The following TRAPPC12 variants were observed in gnomAD, a reference collection of about 807,000 sequenced individuals.
TRAPPC12 encodes trafficking protein particle complex subunit 12.
A neutral mutation model predicts 69.2 loss-of-function variants in TRAPPC12; 61 were observed. The ratio of observed to expected loss-of-function variants is 0.88; its 90% confidence interval spans 0.72 to 1.09. The LOEUF is 1.09. Ranked by LOEUF, TRAPPC12 falls within the 50% of genes least tolerant of loss-of-function variation. TRAPPC12 has a pLI of 0.00. For missense variants in TRAPPC12, 1,101 were observed against 1,016.4 expected (o/e 1.08, Z -1.13); for synonymous variants, 469 against 438.9 (o/e 1.07, Z -0.86).
At chr2:3,466,659 C>T (rs1036203497) in intron 9 of TRAPPC12, among the ~76,000 whole-genome samples, 2 of 152,186 alleles carry the variant, frequency 1.3e-5, no homozygotes, top group African/African-American at 4.8e-5. Context: ...TGCACGCCGC[C>T]TGCTTGTGGA....
chr2:3,392,883 A>G (rs1302134904), intron 2 of TRAPPC12, among the ~76,000 whole-genome samples: 1 of 152,278 alleles, frequency 6.6e-6, no homozygotes, highest in Non-Finnish European at 1.5e-5. Flanking sequence ...CCTGCGCTCC[A>G]TGCTCACTGC....
rs868588616 is a variant in TRAPPC12 at position 3,471,551 on chromosome 2, G to A, written c.1776+5856G>A. Among the ~76,000 whole-genome samples, 33 of 152,304 alleles carry A rather than the reference G, an allele frequency of 2.2e-4. 1 individual carries two copies. The highest frequency in any genetic ancestry group is 1.2e-3 in the South Asian group (6 of 4,828). On this transcript the variant is annotated intron_variant, in intron 9 of 11. Transcript: ENST00000324266. ...GCCTCCACACAGCAAGGGGGCTGGG[G>A]GTTAGGAGGAGAGAGAATGGGGCCC... is the stretch of plus-strand genomic sequence containing the variant.
At chr2:3,476,795 T>C (rs372898253) in intron 9 of TRAPPC12, among the ~76,000 whole-genome samples, 1 of 152,186 alleles carries the variant, frequency 6.6e-6, no homozygotes, top group African/African-American at 2.4e-5. Context: ...GCCGCGCGCA[T>C]TCAGCTTGTT....
intron 8 of TRAPPC12, among the ~76,000 whole-genome samples, chr2:3,465,342 C>T (rs183328854): frequency 6.6e-6 from 1 of 152,154 alleles, no homozygotes; most frequent in Non-Finnish European, 1.5e-5. Context: ...AACTAAACCG[C>T]GACAGCCCCC....
intron 5 of TRAPPC12, among the ~76,000 whole-genome samples, chr2:3,426,323 A>G (rs1663098311): frequency 6.6e-6 from 1 of 152,230 alleles, no homozygotes; most frequent in Admixed American, 6.5e-5. Context: ...GTAGCCACAG[A>G]GTCAAGAAGG....
intron 9 of TRAPPC12, among the ~76,000 whole-genome samples, chr2:3,475,006 T>C (rs1315757942): frequency 6.6e-6 from 1 of 152,232 alleles, no homozygotes; most frequent in Non-Finnish European, 1.5e-5. Context: ...GCTCTTACCA[T>C]TATTTCCATT....
At chr2:3,435,179 A>G (rs749915606) in intron 5 of TRAPPC12, among the ~76,000 whole-genome samples, 4 of 152,068 alleles carry the variant, frequency 2.6e-5, no homozygotes, top group Non-Finnish European at 5.9e-5. Flanking sequence ...CGCCCAGCTA[A>G]TATTTGTATT....
At chr2:3,456,961 T>C in intron 6 of TRAPPC12, 1 of 388,856 alleles carries the variant, frequency 2.6e-6, no homozygotes, top group East Asian at 7.4e-5. Flanking sequence ...TTCAAGAACA[T>C]CATAAACACC....
intron 7 of TRAPPC12, chr2:3,457,962 C>A: frequency 7.4e-7 from 1 of 1,342,936 alleles, no homozygotes; most frequent in Non-Finnish European, 9.5e-7. Flanking sequence ...CGGAACCTGC[C>A]ACGCTGAGTG....
At chr2:3,418,494 G>A (rs1318370548) in intron 3 of TRAPPC12, among the ~76,000 whole-genome samples, 6 of 152,174 alleles carry the variant, frequency 3.9e-5, no homozygotes, top group African/African-American at 7.2e-5. Flanking sequence ...CCTGGGATCC[G>A]CCAGCGTTTT....
At chr2:3,404,278 T>C (rs982299681) in intron 3 of TRAPPC12, among the ~76,000 whole-genome samples, 1 of 152,196 alleles carries the variant, frequency 6.6e-6, no homozygotes, top group African/African-American at 2.4e-5. Flanking sequence ...TTTAAACTTC[T>C]CTTTGACTTT....
At chr2:3,410,992 T>G (rs1025780791) in intron 3 of TRAPPC12, among the ~76,000 whole-genome samples, 9 of 152,316 alleles carry the variant, frequency 5.9e-5, no homozygotes, top group African/African-American at 1.9e-4. Context: ...ATCACGCCAC[T>G]GCACTTCAGC....
chr2:3,429,904 T>C (rs528372101), intron 5 of TRAPPC12, among the ~76,000 whole-genome samples: 1 of 152,334 alleles, frequency 6.6e-6, no homozygotes, highest in East Asian at 1.9e-4. Flanking sequence ...AAAGTACCCA[T>C]TGCTGATACA....
intron 3 of TRAPPC12, among the ~76,000 whole-genome samples, chr2:3,405,867 G>A (rs1022096704): frequency 6.6e-6 from 1 of 152,176 alleles, no homozygotes; most frequent in African/African-American, 2.4e-5. Context: ...AAATTCAGCT[G>A]CACTCCTAAC....
intron 3 of TRAPPC12, among the ~76,000 whole-genome samples, chr2:3,418,351 G>A (rs1159490033): frequency 2.0e-5 from 3 of 150,828 alleles, no homozygotes; most frequent in Non-Finnish European, 3.0e-5. Flanking sequence ...TCTCTGTCAC[G>A]TGACTACAGG....
intron 9 of TRAPPC12, among the ~76,000 whole-genome samples, chr2:3,468,179 C>T (rs11690865): frequency 0.29 from 44,574 of 151,766 alleles, 6,839 homozygotes; most frequent in East Asian, 0.39. Context: ...TCCTGCTGCT[C>T]AGAACTCCCT....
intron 3 of TRAPPC12, among the ~76,000 whole-genome samples, chr2:3,412,246 G>A (rs1662103575): frequency 6.8e-6 from 1 of 146,550 alleles, no homozygotes; most frequent in African/African-American, 2.4e-5. Flanking sequence ...GTTTCACCAT[G>A]AGCAGGAAAG....
intron 5 of TRAPPC12, among the ~76,000 whole-genome samples, chr2:3,434,037 G>A (rs1477424505): frequency 6.6e-6 from 1 of 152,152 alleles, no homozygotes; most frequent in South Asian, 2.1e-4. Context: ...CAGAGACAGG[G>A]GCTAGGTTTG....
At chr2:3,455,853 C>T (rs1665119720) in intron 6 of TRAPPC12, 1 of 152,186 alleles carries the variant, frequency 6.6e-6, no homozygotes, top group Non-Finnish European at 1.5e-5. Context: ...CCTTTCTTTT[C>T]TTTGGAGTAT....
Sources: gnomAD v4.1 joint callset for allele counts (sites outside exome capture counted in the v4.1 genomes callset) on GRCh38, gnomAD v4.1.1 for gene constraint, MANE v1.5 for transcripts, NCBI Gene and HGNC (gene_info 2026-07-23, HGNC 2026-07-21) for gene names.